Variants in UNC79 observed in about 807,000 individuals in gnomAD.
The protein encoded by UNC79 is protein unc-79 homolog.
A neutral mutation model predicts 283.1 loss-of-function variants in UNC79; 37 were observed. The observed-to-expected ratio is 0.13, with a 90% confidence interval of 0.10 to 0.17. The LOEUF (loss-of-function observed/expected upper bound fraction) is 0.17. Among genes scored for constraint, UNC79 ranks in the 10% least tolerant of loss-of-function variants. The probability of loss-of-function intolerance (pLI) is 1.00; values close to 1 mark genes in which losing one functional copy is unlikely to be tolerated. For missense variants in UNC79, 2,272 were observed against 3,211.1 expected (o/e 0.71, Z 7.07); for synonymous variants, 1,107 against 1,200.2 (o/e 0.92, Z 1.61).
At chr14:93,489,010 T>A (rs1180933563) in intron 5 of UNC79, among the ~76,000 whole-genome samples, 1 of 152,226 alleles carries the variant, frequency 6.6e-6, no homozygotes, top group Non-Finnish European at 1.5e-5. Flanking sequence ...GGTGCAATTA[T>A]GGCTCACTGC....
At chr14:93,426,849 T>G (rs2055742653), upstream of UNC79, among the ~76,000 whole-genome samples, 1 of 152,110 alleles carries the variant, frequency 6.6e-6, no homozygotes, top group Admixed American at 6.5e-5. Context: ...TTGGGTTCAT[T>G]TTCTATTGTC....
Position 93,688,126 on chromosome 14 carries a change from A to G in UNC79, c.6910-539A>G, listed in dbSNP as rs1463476844. Among the ~76,000 whole-genome samples, 3 of 152,188 alleles carry G rather than the reference A, an allele frequency of 2.0e-5. No individual in the cohort carries two copies. The highest frequency in any genetic ancestry group is 7.2e-5 in the African/African-American group (3 of 41,456). On this transcript the variant is annotated intron_variant, in intron 43 of 48. Coordinates refer to ENST00000555664, the Ensembl canonical transcript of UNC79. The surrounding 1 kb of genome is among the most constrained non-coding windows in gnomAD (Gnocchi z 4.0). Reference sequence around the variant, plus strand: ...GTAATGTCGTGGCACTGTTCTAGGCATTGGGGATGCTGTGATGAGCAAAAG... The same window carrying G: ...GTAATGTCGTGGCACTGTTCTAGGCGTTGGGGATGCTGTGATGAGCAAAAG...
chr14:93,659,248 C>T (rs760526985), exon 39 of UNC79: 5 of 1,611,110 alleles, frequency 3.1e-6, no homozygotes, highest in Non-Finnish European at 4.2e-6. Flanking sequence ...ATCCCTTCTA[C>T]CAATGCTACA....
rs187277512 is a variant in UNC79, at chr14:93,699,661, A to G, written c.7549-4964A>G. Among the ~76,000 whole-genome samples, 67 of 152,302 alleles carry G rather than the reference A, an allele frequency of 4.4e-4. 1 individual carries two copies. The Middle Eastern group carries it at 0.014, about 31-fold the overall frequency. ...TTCAAGGAATATTATACCACCTCAT[A>G]TATTGTATAAGAACTGTACAATAAT... On this transcript the variant is annotated intron_variant, in intron 47 of 48. Coordinates refer to ENST00000555664, the Ensembl canonical transcript of UNC79.
chr14:93,619,974 A>T (rs2067002299), intron 29 of UNC79, among the ~76,000 whole-genome samples: 1 of 152,266 alleles, frequency 6.6e-6, no homozygotes, highest in African/African-American at 2.4e-5. Context: ...AAATTGGTTA[A>T]GTAAACTTTA....
intron 1 of UNC79, among the ~76,000 whole-genome samples, chr14:93,439,196 A>G (rs1385225490): frequency 6.6e-6 from 1 of 152,032 alleles, no homozygotes; most frequent in East Asian, 1.9e-4. Context: ...TTATGCCTCT[A>G]ATTGCTTTCT....
Position 93,468,592 on chromosome 14 carries a change from T to TA in UNC79, c.143+803dup, listed in dbSNP as rs1171664966. Among the ~76,000 whole-genome samples, 4 of 152,324 alleles carry TA rather than the reference T, an allele frequency of 2.6e-5. No homozygotes were observed. In the East Asian group the frequency reaches 5.8e-4, roughly 22 times the overall value. On this transcript the variant is annotated intron_variant, in intron 2 of 48. Transcript: ENST00000555664. ...TAGCTGTACAGAAGCAAAAATTTTG[T>TA]AAGACAGATATTAGGAGAACACAAA...
intron 1 of UNC79, among the ~76,000 whole-genome samples, chr14:93,346,652 A>T (rs1433530303): frequency 6.6e-6 from 1 of 150,912 alleles, no homozygotes; most frequent in Non-Finnish European, 1.5e-5. Flanking sequence ...ATTTTATGGA[A>T]GATTTAATTT....
At position 93,395,452 on chromosome 14, in the gene UNC79, G is replaced by A. The variant is rs553073718; in HGVS notation, c.-351+61929G>A. Among the ~76,000 whole-genome samples, 543 of 152,286 alleles carry A rather than the reference G, an allele frequency of 3.6e-3. 5 individuals are homozygous for A. Among genetic ancestry groups the A allele is most frequent in the African/African-American group, 0.013 (521 of 41,554 alleles). On this transcript the variant is annotated intron_variant, in intron 1 of 49. Transcript: ENST00000256339. Reference sequence around the variant, plus strand: ...AACAAGCACATCTTACCATGGTGGAGCAGGAGAGAGAGCAAAGAGGGAAAT... The same window carrying A: ...AACAAGCACATCTTACCATGGTGGAACAGGAGAGAGAGCAAAGAGGGAAAT...
At position 93,484,542 on chromosome 14, in the gene UNC79, A is replaced by G. The variant is rs892439903; in HGVS notation, c.620-3121A>G. Among the ~76,000 whole-genome samples the G allele has an allele frequency of 2.0e-5, 3 of 152,238 alleles. No homozygotes were observed. In the East Asian group the frequency reaches 5.8e-4, roughly 29 times the overall value. On this transcript the variant is annotated intron_variant, in intron 4 of 48. Transcript: ENST00000555664. ...TTTCTGGAGGGAGGAGATCATGGTA[A>G]TGATTGTTCTGGTGATGCTGGGAGG...
chr14:93,463,082 A>G (rs1317509610), intron 1 of UNC79, among the ~76,000 whole-genome samples: 1 of 152,062 alleles, frequency 6.6e-6, no homozygotes, highest in East Asian at 1.9e-4. Flanking sequence ...CTTAGATATC[A>G]ACTAATAGGG....
chr14:93,378,519 A>C (rs1315352749), intron 1 of UNC79, among the ~76,000 whole-genome samples: 2 of 152,232 alleles, frequency 1.3e-5, no homozygotes, highest in Non-Finnish European at 2.9e-5. Flanking sequence ...CACCATATAC[A>C]TAATGAGATA....
At chr14:93,509,553 C>G (rs1258285886) in intron 7 of UNC79, among the ~76,000 whole-genome samples, 1 of 152,038 alleles carries the variant, frequency 6.6e-6, no homozygotes, top group African/African-American at 2.4e-5. Flanking sequence ...AGAAATTGGC[C>G]AAAACAAAGG....
chr14:93,341,837 A>G (rs1042524472), intron 1 of UNC79, among the ~76,000 whole-genome samples: 2 of 152,142 alleles, frequency 1.3e-5, no homozygotes. Context: ...TAAAGCTCCA[A>G]AATAATCTCT....
chr14:93,382,003 T>G (rs1260533907), intron 1 of UNC79, among the ~76,000 whole-genome samples: 1 of 152,214 alleles, frequency 6.6e-6, no homozygotes, highest in Non-Finnish European at 1.5e-5. Context: ...CATGCTGCCT[T>G]TCTGGAGGAA....
intron 9 of UNC79, among the ~76,000 whole-genome samples, chr14:93,528,949 T>C (rs1156621958): frequency 6.6e-6 from 1 of 152,122 alleles, no homozygotes; most frequent in Non-Finnish European, 1.5e-5. Flanking sequence ...AAAAGAAAAC[T>C]GTGGTTTCCA....
At chr14:93,433,422 T>C (rs74072879) in intron 1 of UNC79, among the ~76,000 whole-genome samples, 539 of 152,340 alleles carry the variant, frequency 3.5e-3, no homozygotes, top group African/African-American at 0.012. Flanking sequence ...CACAATAGGC[T>C]GCATAGTTGA....
At chr14:93,637,487 C>A (rs1596178799) in intron 32 of UNC79, 188 bp downstream of exon 35, 1 of 1,011,070 alleles carries the variant, frequency 9.9e-7, no homozygotes, top group Non-Finnish European at 1.4e-6. Context: ...ACAGTTCTTC[C>A]TTATAGTGAC....
intron 46 of UNC79, among the ~76,000 whole-genome samples, chr14:93,693,990 A>G (rs887317292): frequency 3.9e-5 from 6 of 152,148 alleles, no homozygotes; most frequent in Non-Finnish European, 7.4e-5. Context: ...CAGAACTCTT[A>G]CACCCAAAGA....
Sources: gnomAD v4.1 joint callset for allele counts (sites outside exome capture counted in the v4.1 genomes callset) on GRCh38, gnomAD v4.1.1 for gene constraint, Gnocchi (gnomAD v3.1) non-coding constraint, MANE v1.5 for transcripts, NCBI Gene and HGNC (gene_info 2026-07-23, HGNC 2026-07-21) for gene names.